The following SPMIP2 variants were observed in gnomAD, a reference collection of about 807,000 sequenced individuals.
SPMIP2 encodes the protein sperm microtubule inner protein 2.
the SPMIP2 span, among the ~76,000 whole-genome samples, chr4:158,915,920 A>C: frequency 6.6e-6 from 1 of 152,350 alleles, no homozygotes; most frequent in African/African-American, 2.4e-5. Flanking sequence ...TGGGGAACAG[A>C]CAGAAACAGG....
chr4:158,944,124 G>A, the SPMIP2 span, among the ~76,000 whole-genome samples: 1,098 of 152,056 alleles, frequency 7.2e-3, 13 homozygotes, highest in Middle Eastern at 0.017. Context: ...AAAGTGCTGG[G>A]ATTACAGGTG....
chr4:159,066,589 T>TCA, the SPMIP2 span, among the ~76,000 whole-genome samples: 1 of 76,632 alleles, frequency 1.3e-5, no homozygotes, highest in Non-Finnish European at 2.8e-5. Flanking sequence ...TGTGTGTATT[T>TCA]TATATATATA....
chr4:158,969,277 A>C, the SPMIP2 span, among the ~76,000 whole-genome samples: 1 of 152,222 alleles, frequency 6.6e-6, no homozygotes, highest in African/African-American at 2.4e-5. Context: ...CCAGCTAAGC[A>C]GCAGTTAGAA....
chr4:158,898,645 T>C, the SPMIP2 span, among the ~76,000 whole-genome samples: 171 of 152,302 alleles, frequency 1.1e-3, 4 homozygotes, highest in East Asian at 0.03. Context: ...TGTCTGTTAT[T>C]GGTGTATAGG....
chr4:158,973,617 C>T, the SPMIP2 span, among the ~76,000 whole-genome samples: 2 of 152,052 alleles, frequency 1.3e-5, no homozygotes, highest in Admixed American at 1.3e-4. Flanking sequence ...AGCTAACAAG[C>T]TCTTTGTACC....
the SPMIP2 span, among the ~76,000 whole-genome samples, chr4:158,923,718 A>C: frequency 6.6e-6 from 1 of 152,212 alleles, no homozygotes; most frequent in Admixed American, 6.5e-5. Context: ...CTTCTATCTA[A>C]GTGCCCTGGC....
At chr4:159,082,449 C>CTGTGTGTGTGTGTG in the SPMIP2 span, among the ~76,000 whole-genome samples, 455 of 111,616 alleles carry the variant, frequency 4.1e-3, 6 homozygotes, top group South Asian at 0.015. Flanking sequence ...CCACTTTTCT[C>CTGTGTGTGTGTGTG]TGTGTGTGTG....
the SPMIP2 span, among the ~76,000 whole-genome samples, chr4:158,900,485 C>T: frequency 6.6e-6 from 1 of 152,104 alleles, no homozygotes; most frequent in African/African-American, 2.4e-5. Flanking sequence ...CTCTTTGTAG[C>T]TCTTTAAGAA....
the SPMIP2 span, among the ~76,000 whole-genome samples, chr4:158,996,880 G>C: frequency 4.6e-5 from 7 of 152,144 alleles, no homozygotes. Context: ...CTAAAACCAA[G>C]AGCTGGCAAG....
the SPMIP2 span, among the ~76,000 whole-genome samples, chr4:159,046,648 C>G: frequency 6.6e-6 from 1 of 152,322 alleles, no homozygotes; most frequent in South Asian, 2.1e-4. Context: ...TCTTGGCTCA[C>G]CGCAACCTCC....
chr4:158,981,667 G>A, the SPMIP2 span, among the ~76,000 whole-genome samples: 2 of 152,096 alleles, frequency 1.3e-5, no homozygotes, highest in African/African-American at 4.8e-5. Context: ...GAGGGATTTT[G>A]TCACCACCAG....
the SPMIP2 span, among the ~76,000 whole-genome samples, chr4:158,981,020 T>A: frequency 6.6e-6 from 1 of 152,152 alleles, no homozygotes; most frequent in Non-Finnish European, 1.5e-5. Context: ...GATGACCTGA[T>A]GGAGCTGAAA....
chr4:158,971,965 G>A, the SPMIP2 span, among the ~76,000 whole-genome samples: 1 of 152,180 alleles, frequency 6.6e-6, no homozygotes, highest in African/African-American at 2.4e-5. Context: ...GCAGAGAGGT[G>A]AACTGATTTG....
the SPMIP2 span, among the ~76,000 whole-genome samples, chr4:159,055,030 C>G: frequency 1.3e-5 from 2 of 152,162 alleles, no homozygotes; most frequent in Non-Finnish European, 1.5e-5. Flanking sequence ...TATCAAGGCC[C>G]CCTGCCTGTC....
At chr4:159,059,140 G>A in the SPMIP2 span, among the ~76,000 whole-genome samples, 2 of 152,196 alleles carry the variant, frequency 1.3e-5, no homozygotes, top group African/African-American at 2.4e-5. Context: ...AATAGCACAA[G>A]TTGAAGCATG....
At chr4:158,936,387 A>G in the SPMIP2 span, among the ~76,000 whole-genome samples, 47,928 of 152,118 alleles carry the variant, frequency 0.32, 9,941 homozygotes, top group East Asian at 0.82. Flanking sequence ...TCAGAACGTG[A>G]TGTAACTCTG....
At chr4:159,045,847 CAA>C in the SPMIP2 span, among the ~76,000 whole-genome samples, 456 of 152,226 alleles carry the variant, frequency 3.0e-3, 2 homozygotes, top group Non-Finnish European at 5.5e-3. Flanking sequence ...TGTGAAGACT[CAA>C]GAGGGAAGAT....
At chr4:158,909,600 G>A in the SPMIP2 span, 1 of 149,656 alleles carries the variant, frequency 6.7e-6, no homozygotes, top group Non-Finnish European at 1.5e-5. Context: ...TTAAGAGACA[G>A]GGTCTCACTT....
At chr4:158,907,400 C>T in the SPMIP2 span, 5 of 152,102 alleles carry the variant, frequency 3.3e-5, no homozygotes, top group African/African-American at 1.2e-4. Context: ...ACTTTTTAAA[C>T]TTAACCATAT....
Sources: allele counts gnomAD v4.1 joint callset (sites outside exome capture counted in the v4.1 genomes callset), GRCh38; gene constraint gnomAD v4.1.1; transcripts MANE v1.5; gene names NCBI Gene and HGNC (gene_info 2026-07-23, HGNC 2026-07-21).